Variants in FIG4 observed in about 807,000 individuals in gnomAD.
FIG4 encodes the protein polyphosphoinositide phosphatase.
Under a neutral mutation model 118.6 loss-of-function variants are expected in FIG4, and 112 were observed. The observed-to-expected ratio is 0.94, with a 90% confidence interval of 0.81 to 1.11. The LOEUF is 1.11. Ranked by LOEUF, FIG4 falls within the 50% of genes least tolerant of loss-of-function variation. The probability of loss-of-function intolerance (pLI) is 0.00; values close to 1 mark genes in which losing one functional copy is unlikely to be tolerated. For missense variants in FIG4, 969 were observed against 1,111.7 expected (o/e 0.87, Z 1.83); for synonymous variants, 369 against 381.2 (o/e 0.97, Z 0.37).
At chr6:109,760,606 C>A (rs1777075300) in intron 11 of FIG4, among the ~76,000 whole-genome samples, 1 of 152,066 alleles carries the variant, frequency 6.6e-6, no homozygotes, top group Non-Finnish European at 1.5e-5. Flanking sequence ...TTAGTCATTT[C>A]AGAACATCTC....
At chr6:109,761,704 G>A (rs900157919) in intron 11 of FIG4, among the ~76,000 whole-genome samples, 2 of 152,092 alleles carry the variant, frequency 1.3e-5, no homozygotes, top group Non-Finnish European at 2.9e-5. Flanking sequence ...ATATTATTTT[G>A]CAGTTTTTTC....
chr6:109,724,276 C>T (rs942235629), intron 3 of FIG4, among the ~76,000 whole-genome samples: 1 of 152,130 alleles, frequency 6.6e-6, no homozygotes, highest in African/African-American at 2.4e-5. Flanking sequence ...CTCCTCTCCC[C>T]CCTGGGATTC....
intron 15 of FIG4, 126 bp downstream of exon 15, chr6:109,767,021 T>C (rs1777300672): frequency 1.3e-6 from 1 of 768,502 alleles, no homozygotes; most frequent in Non-Finnish European, 2.2e-6. Flanking sequence ...AAACAGTCTG[T>C]CACTTAGAAG....
intron 11 of FIG4, among the ~76,000 whole-genome samples, chr6:109,761,247 G>C (rs1777095551): frequency 6.6e-6 from 1 of 152,134 alleles, no homozygotes; most frequent in South Asian, 2.1e-4. Flanking sequence ...CTTGAGTGCA[G>C]TGGTACGATC....
At chr6:109,745,143 T>C (rs1776448625) in intron 10 of FIG4, among the ~76,000 whole-genome samples, 1 of 152,152 alleles carries the variant, frequency 6.6e-6, no homozygotes. Flanking sequence ...TCATAATCCT[T>C]TGGGTATATA....
intron 18 of FIG4, among the ~76,000 whole-genome samples, chr6:109,787,468 A>G (rs1187238936): frequency 6.6e-6 from 1 of 152,206 alleles, no homozygotes; most frequent in African/African-American, 2.4e-5. Context: ...AGTTTTAACT[A>G]TGAGACCTTT....
intron 15 of FIG4, among the ~76,000 whole-genome samples, chr6:109,772,349 T>C (rs903237735): frequency 2.6e-5 from 4 of 152,230 alleles, no homozygotes; most frequent in Non-Finnish European, 5.9e-5. Flanking sequence ...TTGACTACCA[T>C]GCATTTGACA....
At chr6:109,738,883 A>G (rs1776241148) in intron 7 of FIG4, among the ~76,000 whole-genome samples, 1 of 152,112 alleles carries the variant, frequency 6.6e-6, no homozygotes, top group Non-Finnish European at 1.5e-5. Context: ...TAGAGGTGGA[A>G]AAACACATGG....
chr6:109,722,931 G>A (rs893296224), intron 3 of FIG4, among the ~76,000 whole-genome samples: 6 of 152,134 alleles, frequency 3.9e-5, no homozygotes, highest in Admixed American at 1.3e-4. Context: ...TCCTAGACTG[G>A]GAGCTGGAGA....
chr6:109,764,053 A>G (rs1378549285), intron 13 of FIG4, 71 bp downstream of exon 13: 5 of 990,180 alleles, frequency 5.0e-6, no homozygotes, highest in Middle Eastern at 2.1e-4. Flanking sequence ...TTCTGTAAGC[A>G]ATCATGGAAA....
chr6:109,800,071 A>G (rs192784542), intron 22 of FIG4, among the ~76,000 whole-genome samples: 97 of 152,208 alleles, frequency 6.4e-4, no homozygotes, highest in Non-Finnish European at 1.3e-3. Context: ...CATTTTACAG[A>G]TGGGGAAACT....
intron 1 of FIG4, chr6:109,701,605 C>T (rs1774910294): frequency 2.3e-6 from 1 of 434,720 alleles, no homozygotes; most frequent in South Asian, 1.7e-5. Context: ...TTTACTCTTA[C>T]TTGTTCAAGA....
chr6:109,814,833 C>A (rs950950069), intron 22 of FIG4, among the ~76,000 whole-genome samples: 10 of 152,072 alleles, frequency 6.6e-5, no homozygotes, highest in Non-Finnish European at 1.5e-4. Flanking sequence ...CTCTGAGGCT[C>A]CCTGATTATT....
At chr6:109,772,973 G>A (rs1777511921) in intron 15 of FIG4, among the ~76,000 whole-genome samples, 2 of 152,150 alleles carry the variant, frequency 1.3e-5, no homozygotes, top group Admixed American at 1.3e-4. Context: ...TTACCTGGAG[G>A]CTTCCTGGCT....
At chr6:109,798,875 T>C (rs1271350143) in intron 22 of FIG4, among the ~76,000 whole-genome samples, 1 of 152,162 alleles carries the variant, frequency 6.6e-6, no homozygotes, top group African/African-American at 2.4e-5. Context: ...TGTGTTGTTA[T>C]AACTATTTAG....
At chr6:109,712,426 C>T (rs554689683) in intron 1 of FIG4, among the ~76,000 whole-genome samples, 13 of 152,196 alleles carry the variant, frequency 8.5e-5, no homozygotes, top group Non-Finnish European at 1.3e-4. Flanking sequence ...CCACATTACT[C>T]AGAGGGTTTG....
chr6:109,732,002 G>A (rs1776015661), intron 4 of FIG4, among the ~76,000 whole-genome samples: 1 of 152,126 alleles, frequency 6.6e-6, no homozygotes, highest in African/African-American at 2.4e-5. Flanking sequence ...TGGCTCTAAT[G>A]TGATAAAAGT....
At chr6:109,745,756 G>T (rs1051486235) in intron 10 of FIG4, among the ~76,000 whole-genome samples, 2 of 151,988 alleles carry the variant, frequency 1.3e-5, no homozygotes, top group African/African-American at 4.8e-5. Context: ...TTTCTTCTAG[G>T]GTTTTTATGG....
intron 18 of FIG4, among the ~76,000 whole-genome samples, chr6:109,787,971 T>C (rs966710915): frequency 3.3e-5 from 5 of 152,196 alleles, no homozygotes; most frequent in Admixed American, 2.6e-4. Context: ...AAAAGTTACA[T>C]GCATTAGCTA....
Sources: gnomAD v4.1 joint callset for allele counts (sites outside exome capture counted in the v4.1 genomes callset) on GRCh38, gnomAD v4.1.1 for gene constraint, MANE v1.5 for transcripts, NCBI Gene and HGNC (gene_info 2026-07-23, HGNC 2026-07-21) for gene names.